The following TMEM17 variants were observed in gnomAD, a reference collection of about 807,000 sequenced individuals.
TMEM17 encodes transmembrane protein 17.
TMEM17 carries 15 observed loss-of-function variants against 19.1 expected under a neutral mutation model. The observed-to-expected ratio is 0.78, with a 90% CI of 0.52 to 1.21. TMEM17 has a LOEUF of 1.21. TMEM17 is among the 50% of genes most tolerant of loss of function. The pLI, the probability that TMEM17 is intolerant of heterozygous loss-of-function variation, is 0.00. For synonymous variants in TMEM17, 103 were observed against 86.9 expected, an observed-to-expected ratio of 1.19 and a Z score of -1.03; for missense variants, 245 against 242.3, an observed-to-expected ratio of 1.01 and a Z score of -0.07.
the TMEM17 span, among the ~76,000 whole-genome samples, chr2:62,456,293 G>C: frequency 1.3e-5 from 2 of 152,152 alleles, no homozygotes; most frequent in Non-Finnish European, 2.9e-5. Context: ...AGCCTGCAGG[G>C]GCTCTACATT....
chr2:62,487,350 C>G, the TMEM17 span, among the ~76,000 whole-genome samples: 2 of 152,174 alleles, frequency 1.3e-5, no homozygotes, highest in African/African-American at 2.4e-5. Context: ...TTCCTCATTT[C>G]GGTTCTCTTG....
chr2:62,470,198 C>T, the TMEM17 span, among the ~76,000 whole-genome samples: 1 of 152,182 alleles, frequency 6.6e-6, no homozygotes, highest in Admixed American at 6.5e-5. Context: ...GGCACCTTTC[C>T]TCTGTATTAT....
the TMEM17 span, among the ~76,000 whole-genome samples, chr2:62,494,021 C>A: frequency 6.6e-6 from 1 of 152,156 alleles, no homozygotes; most frequent in South Asian, 2.1e-4. Flanking sequence ...GGATTCATCA[C>A]CTATTTTCAT....
chr2:62,490,663 C>T, the TMEM17 span, among the ~76,000 whole-genome samples: 6,939 of 152,174 alleles, frequency 0.046, 285 homozygotes, highest in African/African-American at 0.11. Flanking sequence ...ATTCAGAGGG[C>T]TGTGAAGGAG....
the TMEM17 span, among the ~76,000 whole-genome samples, chr2:62,489,116 T>C: frequency 1.3e-5 from 2 of 152,288 alleles, no homozygotes; most frequent in South Asian, 4.1e-4. Context: ...GCAATTATAA[T>C]AAAATATTCC....
At position 62,503,735 on chromosome 2, in the gene TMEM17, C is replaced by T. The variant is rs145685102; in HGVS notation, c.101-941G>A. ...GGCTCATTGCAAGCACACACCATGTCCTACCCTAATTTGAGACCCTCATAG... is the reference window on the plus strand; with the variant it reads ...GGCTCATTGCAAGCACACACCATGTTCTACCCTAATTTGAGACCCTCATAG... On this transcript the variant is annotated intron_variant, in intron 1 of 3. Coordinates refer to ENST00000335390, the MANE Select transcript of TMEM17 (RefSeq NM_198276.3). 9.3e-4 allele frequency among the ~76,000 whole-genome samples: 141 copies of T among 152,296 alleles called. 1 individual carries two copies. In the East Asian group the frequency reaches 0.025, roughly 27 times the overall value.
rs1355075157 is a variant in TMEM17, at chr2:62,502,544, T to C, written c.211A>G (p.Ile71Val). Residue 71 changes from isoleucine (I) to valine (V), a missense_variant, in exon 3 of 4, where the codon ATC becomes GTC. Physicochemically the swap from Ile to Val is conservative, Grantham distance 29. Coordinates refer to ENST00000335390, the MANE Select transcript of TMEM17 (RefSeq NM_198276.3). ...SIMMLHMKYS[I>V]LPDYYKFIVI... The stretch of plus-strand genomic sequence containing the variant: ...ATGAATTTGTAGTAGTCAGGTAAGA[T>C]TGAATACTAAAAGAAAAGCCAAAAC... 7 of 1,582,418 alleles carry C rather than the reference T, an allele frequency of 4.4e-6. No individual in the cohort carries two copies. Among genetic ancestry groups the C allele is most frequent in the East Asian group, 2.2e-5 (1 of 44,670 alleles).
chr2:62,460,877 T>C, the TMEM17 span, among the ~76,000 whole-genome samples: 2 of 152,168 alleles, frequency 1.3e-5, no homozygotes, highest in African/African-American at 4.8e-5. Context: ...AGAACAAAGG[T>C]GGAACAGCCC....
the TMEM17 span, among the ~76,000 whole-genome samples, chr2:62,461,777 C>G: frequency 1.3e-5 from 2 of 152,154 alleles, no homozygotes; most frequent in Non-Finnish European, 2.9e-5. Context: ...CGGAAGCAGC[C>G]CCACACCTTC....
chr2:62,458,301 C>T, the TMEM17 span, among the ~76,000 whole-genome samples: 1 of 152,234 alleles, frequency 6.6e-6, no homozygotes, highest in Admixed American at 6.5e-5. Flanking sequence ...ACAGGAAATG[C>T]AGCCTGGCCC....
the TMEM17 span, among the ~76,000 whole-genome samples, chr2:62,470,638 T>C: frequency 6.6e-6 from 1 of 151,806 alleles, no homozygotes; most frequent in South Asian, 2.1e-4. Context: ...CCACTGGGGG[T>C]GGGGTCCACC....
At chr2:62,505,524 C>T (rs1680042395) in intron 1 of TMEM17, among the ~76,000 whole-genome samples, 1 of 121,306 alleles carries the variant, frequency 8.2e-6, no homozygotes, top group African/African-American at 3.2e-5. Flanking sequence ...ACTTGTTCTG[C>T]TAGGAAAAGG....
At chr2:62,498,220 A>C (rs1679819495), downstream of TMEM17, among the ~76,000 whole-genome samples, 1 of 151,308 alleles carries the variant, frequency 6.6e-6, no homozygotes, top group Non-Finnish European at 1.5e-5. Context: ...CCCTGCCTCT[A>C]CTAAAAATAC....
chr2:62,458,084 ACACTTACTGCAGATGGGGAAGCTAACAG>A, the TMEM17 span, among the ~76,000 whole-genome samples: 12 of 152,316 alleles, frequency 7.9e-5, no homozygotes, highest in East Asian at 1.9e-3. Context: ...GAGGCTAATG[ACACTTACTGCAGATGGGGAAGCTAACAG>A]CACTTACTGC....
At chr2:62,481,637 A>G in the TMEM17 span, among the ~76,000 whole-genome samples, 2 of 151,938 alleles carry the variant, frequency 1.3e-5, no homozygotes, top group Non-Finnish European at 1.5e-5. Context: ...AGTTTCTGTC[A>G]TGAAGGGATA....
the TMEM17 span, among the ~76,000 whole-genome samples, chr2:62,456,138 A>C: frequency 6.6e-6 from 1 of 152,220 alleles, no homozygotes; most frequent in Non-Finnish European, 1.5e-5. Context: ...CAGAGAGTAA[A>C]GGGTCATGTA....
At chr2:62,474,538 A>T in the TMEM17 span, among the ~76,000 whole-genome samples, 2 of 152,232 alleles carry the variant, frequency 1.3e-5, no homozygotes, top group Non-Finnish European at 2.9e-5. Flanking sequence ...TGAATTAAAC[A>T]GGAGGCAGCA....
Position 62,502,550 on chromosome 2 carries a change from A to G in TMEM17, c.205T>C (p.Tyr69His), listed in dbSNP as rs1222429485. 2 of 1,572,676 alleles carry G rather than the reference A, an allele frequency of 1.3e-6. No homozygotes were observed. The highest frequency in any genetic ancestry group is 1.7e-6 in the Non-Finnish European group (2 of 1,152,862). Reference sequence around the variant, plus strand: ...TTGTAGTAGTCAGGTAAGATTGAATACTAAAAGAAAAGCCAAAACATGTTT... The same window carrying G: ...TTGTAGTAGTCAGGTAAGATTGAATGCTAAAAGAAAAGCCAAAACATGTTT... The part of the protein sequence containing the change: ...VSSIMMLHMK[Y>H]SILPDYYKFI... Residue 69 changes from tyrosine to histidine, a missense_variant and splice_region_variant, in exon 3 of 4, where the codon TAT becomes CAT. Physicochemically the swap from Tyr to His is moderately conservative, Grantham distance 83. Coordinates refer to ENST00000335390, the MANE Select transcript of TMEM17 (RefSeq NM_198276.3).
At chr2:62,459,027 C>T in the TMEM17 span, among the ~76,000 whole-genome samples, 2 of 152,360 alleles carry the variant, frequency 1.3e-5, no homozygotes, top group East Asian at 3.8e-4. Context: ...GTTTTCACTT[C>T]TCTTGGATAA....
Sources: gnomAD v4.1 joint callset for allele counts (sites outside exome capture counted in the v4.1 genomes callset) on GRCh38, gnomAD v4.1.1 for gene constraint, MANE v1.5 for transcripts, NCBI Gene and HGNC (gene_info 2026-07-23, HGNC 2026-07-21) for gene names.